Variants in ADAP1 observed in about 807,000 individuals in gnomAD.
ADAP1 encodes arf-GAP with dual PH domain-containing protein 1.
ADAP1 carries 31 observed loss-of-function variants against 54.9 expected under a neutral mutation model. The observed-to-expected ratio is 0.56, with a 90% CI of 0.42 to 0.76. The LOEUF (loss-of-function observed/expected upper bound fraction) is 0.76, where lower values mean the gene tolerates loss of function less well. Among genes scored for constraint, ADAP1 ranks in the 30% least tolerant of loss-of-function variants. The pLI, the probability that ADAP1 is intolerant of heterozygous loss-of-function variation, is 0.00. For synonymous variants in ADAP1, 313 were observed against 202.6 expected (o/e 1.55, Z -4.63); for missense variants, 535 against 512.4 (o/e 1.04, Z -0.42).
At chr7:952,884 C>T (rs1583193990) in intron 1 of ADAP1, among the ~76,000 whole-genome samples, 2 of 152,206 alleles carry the variant, frequency 1.3e-5, no homozygotes, top group East Asian at 3.9e-4. Flanking sequence ...GGGCCGGGCA[C>T]ACCTGCACCC....
In ADAP1 at chr7:898,638, C is replaced by T. The variant is rs1215559122; in HGVS notation, c.*283G>A. On this transcript the variant is annotated 3_prime_UTR_variant, in exon 11 of 11. Coordinates refer to ENST00000265846, the MANE Select transcript of ADAP1 (RefSeq NM_006869.4). ...TCTGAGCTCGGGAGCCAGACTGGGC[C>T]CTGGAGGAAAGGGGGCCCCGGGTCA... The T allele has an allele frequency of 1.8e-5, 9 of 509,824 alleles. No homozygotes were observed. Among genetic ancestry groups the T allele is most frequent in the Non-Finnish European group, 3.2e-5 (9 of 279,310 alleles). The allele number at this position is 509,824 out of a possible 1,614,324, so 31.6% of individuals were successfully genotyped here. A position where few individuals can be genotyped will look rare whatever the true frequency, so the allele number is the denominator to read the frequency against.
At chr7:913,288 C>T (rs1845799143) in intron 4 of ADAP1, among the ~76,000 whole-genome samples, 1 of 151,684 alleles carries the variant, frequency 6.6e-6, no homozygotes, top group Admixed American at 6.6e-5. Flanking sequence ...GCAAGCTCCA[C>T]CTCCTGGGTT....
intron 1 of ADAP1, among the ~76,000 whole-genome samples, chr7:953,489 C>T (rs1227394906): frequency 6.6e-6 from 1 of 152,242 alleles, no homozygotes; most frequent in Non-Finnish European, 1.5e-5. Flanking sequence ...CCCGCTCCCT[C>T]CCTGGGGGCC....
chr7:903,757 T>TC (rs751553909), intron 6 of ADAP1, among the ~76,000 whole-genome samples: 2 of 151,916 alleles, frequency 1.3e-5, no homozygotes, highest in Admixed American at 6.6e-5. Context: ...GGACCCCAGT[T>TC]CCCCCCGAGG....
At chr7:950,879 C>T (rs1388781644) in intron 1 of ADAP1, among the ~76,000 whole-genome samples, 2 of 104,146 alleles carry the variant, frequency 1.9e-5, no homozygotes, top group Non-Finnish European at 2.0e-5. Context: ...AAAAAAAAAA[C>T]AAGAAAAGAA....
chr7:934,145 G>C (rs556594306), intron 2 of ADAP1, among the ~76,000 whole-genome samples: 3 of 4,734 alleles, frequency 6.3e-4, no homozygotes, highest in South Asian at 0.042. Context: ...GTCAGTGGTG[G>C]TGCAGAGCCG....
intron 4 of ADAP1, 95 bp from the exon 5 acceptor site, chr7:905,267 AGACACGGGG>A (rs1295290051): frequency 3.2e-6 from 2 of 624,290 alleles, no homozygotes; most frequent in East Asian, 4.5e-5. Context: ...CATGGGGAGA[AGACACGGGG>A]GACACGGACG....
chr7:945,842 T>C lies in ADAP1; in HGVS notation c.82+8554A>G. 1.0e-6 allele frequency: 1 copy of C among 985,544 alleles called. No individual in the cohort carries two copies. The highest frequency in any genetic ancestry group is 1.2e-6 in the Non-Finnish European group (1 of 829,980). 61.0% of individuals were successfully genotyped at this position (985,544 alleles called of 1,614,324 possible). On this transcript the variant is annotated intron_variant, in intron 1 of 10. Coordinates refer to ENST00000265846, the MANE Select transcript of ADAP1 (RefSeq NM_006869.4). This position sits in a 1 kb window ranked among gnomAD's most constrained non-coding sequence, Gnocchi z 4.2. The stretch of plus-strand genomic sequence containing the variant: ...GGGGCACCTGGGCAGGTGAGCCACA[T>C]TCTTGGGCGGAGCCAGGTGGGGCAG...
intron 1 of ADAP1, among the ~76,000 whole-genome samples, chr7:954,182 C>T (rs536637725): frequency 6.6e-6 from 1 of 151,772 alleles, no homozygotes; most frequent in African/African-American, 2.4e-5. Context: ...GGGGGCCCCC[C>T]CGCTGCGCCC....
chr7:949,195 G>A (rs930876122), intron 1 of ADAP1, among the ~76,000 whole-genome samples: 4 of 152,226 alleles, frequency 2.6e-5, no homozygotes, highest in African/African-American at 9.6e-5. Flanking sequence ...CGCCTTGCCC[G>A]CCGGAGTCCA....
At chr7:917,798 T>A (rs1583157040) in intron 4 of ADAP1, among the ~76,000 whole-genome samples, 2 of 152,160 alleles carry the variant, frequency 1.3e-5, no homozygotes, top group Non-Finnish European at 2.9e-5. Context: ...ACAGACACAC[T>A]CTCGCTCTGA....
chr7:908,377 G>A (rs561219844), intron 4 of ADAP1, among the ~76,000 whole-genome samples: 81 of 152,304 alleles, frequency 5.3e-4, no homozygotes, highest in African/African-American at 1.9e-3. Context: ...GGGACAGCTG[G>A]TGCCCTCGGG....
chr7:906,722 ACGG>A lies in ADAP1; in HGVS notation c.389-1553_389-1551del, dbSNP rs1583136523. Among the ~76,000 whole-genome samples, 68 of 22,520 alleles carry A rather than the reference ACGG, an allele frequency of 3.0e-3. 2 individuals carry two copies. Among genetic ancestry groups the A allele is most frequent in the East Asian group, 0.027 (7 of 260 alleles). 14.8% of individuals were successfully genotyped at this position (22,520 alleles called of 152,430 possible). A position where few individuals can be genotyped will look rare whatever the true frequency, so the allele number is the denominator to read the frequency against. ...GGACATGGGGGACGGGACATCGGGGACGGGACATGGGGGACAGAGTACATAGGG... is the reference window on the plus strand; with the variant it reads ...GGACATGGGGGACGGGACATCGGGGAGACATGGGGGACAGAGTACATAGGG... On this transcript the variant is annotated intron_variant, in intron 4 of 10. Transcript: ENST00000265846.
intron 4 of ADAP1, among the ~76,000 whole-genome samples, chr7:909,277 G>A (rs1256878374): frequency 2.5e-5 from 1 of 40,296 alleles, no homozygotes; most frequent in Non-Finnish European, 4.1e-5. Flanking sequence ...GACAGCAGGC[G>A]CCAGCGGGAA....
chr7:927,691 G>A (rs374065566), intron 2 of ADAP1, among the ~76,000 whole-genome samples: 1 of 152,266 alleles, frequency 6.6e-6, no homozygotes, highest in African/African-American at 2.4e-5. Flanking sequence ...GAGAGATCCT[G>A]TCACCAACAG....
At chr7:903,698 C>T (rs992794851) in intron 6 of ADAP1, among the ~76,000 whole-genome samples, 2 of 152,106 alleles carry the variant, frequency 1.3e-5, no homozygotes, top group African/African-American at 2.4e-5. Flanking sequence ...CAAAGGAACC[C>T]TACCCAAACC....
At chr7:905,782 A>AGGGAAAGGAGAAGGGAGAAG (rs1472625587) in intron 4 of ADAP1, among the ~76,000 whole-genome samples, 1 of 30,212 alleles carries the variant, frequency 3.3e-5, no homozygotes, top group African/African-American at 1.5e-4. Flanking sequence ...GAAAGGAGAA[A>AGGGAAAGGAGAAGGGAGAAG]GGAGAAAGGA....
chr7:928,438 A>G (rs1846459984), intron 2 of ADAP1, among the ~76,000 whole-genome samples: 1 of 152,214 alleles, frequency 6.6e-6, no homozygotes, highest in Non-Finnish European at 1.5e-5. Context: ...TTACATGCAT[A>G]TGTATACTTT....
At chr7:933,358 G>T (rs1477276811) in intron 2 of ADAP1, among the ~76,000 whole-genome samples, 4 of 152,188 alleles carry the variant, frequency 2.6e-5, no homozygotes, top group Middle Eastern at 3.4e-3. Context: ...CCCCACACCT[G>T]GTCGAGGCAC....
Sources: allele counts gnomAD v4.1 joint callset (sites outside exome capture counted in the v4.1 genomes callset), GRCh38; gene constraint gnomAD v4.1.1; non-coding constraint Gnocchi (gnomAD v3.1); transcripts MANE v1.5; gene names NCBI Gene and HGNC (gene_info 2026-07-23, HGNC 2026-07-21).